The following RAI14 variants were observed in gnomAD, a reference collection of about 807,000 sequenced individuals.
RAI14 encodes retinoic acid induced 14, also known as ankycorbin.
In RAI14, 45 loss-of-function variants were observed where a neutral mutation model predicts 115.4. That is an observed-to-expected ratio of 0.39 (90% CI 0.31 to 0.50). The LOEUF is 0.50. Among genes scored for constraint, RAI14 ranks in the 20% least tolerant of loss-of-function variants. The probability of loss-of-function intolerance (pLI) is 0.85; values close to 1 mark genes in which losing one functional copy is unlikely to be tolerated. For synonymous variants in RAI14, 371 were observed against 415.4 expected (o/e 0.89, Z 1.30); for missense variants, 939 against 1,131.2 (o/e 0.83, Z 2.44).
At chr5:34,667,700 G>A (rs376179851) in intron 1 of RAI14, among the ~76,000 whole-genome samples, 1 of 152,170 alleles carries the variant, frequency 6.6e-6, no homozygotes, top group African/African-American at 2.4e-5. Context: ...CAGAAGACTT[G>A]TATAGACTTG....
chr5:34,698,056 C>T (rs1739486515), intron 2 of RAI14, among the ~76,000 whole-genome samples: 1 of 119,356 alleles, frequency 8.4e-6, no homozygotes, highest in Non-Finnish European at 1.7e-5. Flanking sequence ...CTTCCCCACC[C>T]CTCCCCTTTC....
intron 3 of RAI14, among the ~76,000 whole-genome samples, chr5:34,784,733 A>G (rs1245154227): frequency 6.6e-6 from 1 of 152,202 alleles, no homozygotes; most frequent in Non-Finnish European, 1.5e-5. Flanking sequence ...TATTCTATTT[A>G]TTTGAGCTTT....
intron 3 of RAI14, among the ~76,000 whole-genome samples, chr5:34,777,337 GC>G (rs1561348326): frequency 6.6e-6 from 1 of 152,068 alleles, no homozygotes; most frequent in East Asian, 1.9e-4. Flanking sequence ...ATACTATTTG[GC>G]CATAAAAAGA....
chr5:34,698,699 T>C (rs1467544047), intron 2 of RAI14, among the ~76,000 whole-genome samples: 1 of 151,814 alleles, frequency 6.6e-6, no homozygotes, highest in Admixed American at 6.6e-5. Context: ...GAAAATCAAG[T>C]GTGATGGGAG....
intron 1 of RAI14, among the ~76,000 whole-genome samples, chr5:34,674,067 C>T (rs1743804370): frequency 1.3e-5 from 2 of 152,058 alleles, no homozygotes; most frequent in Non-Finnish European, 2.9e-5. Context: ...AATGGGAGGC[C>T]TACCTTCATG....
chr5:34,806,654 C>T (rs958080428), intron 5 of RAI14, among the ~76,000 whole-genome samples: 2 of 151,894 alleles, frequency 1.3e-5, no homozygotes, highest in Non-Finnish European at 2.9e-5. Flanking sequence ...AAAGCTGAAT[C>T]GCTGGTTTCT....
intron 2 of RAI14, among the ~76,000 whole-genome samples, chr5:34,719,628 GACCTTAACA>G: frequency 6.6e-6 from 1 of 152,152 alleles, no homozygotes; most frequent in Non-Finnish European, 1.5e-5. Flanking sequence ...TAAAAGCTAA[GACCTTAACA>G]CAAAGACCTG....
intron 3 of RAI14, among the ~76,000 whole-genome samples, chr5:34,759,903 G>A (rs1372622982): frequency 6.6e-6 from 1 of 152,124 alleles, no homozygotes. Context: ...ACAGCACCCA[G>A]CCCACAGTGA....
intron 15 of RAI14, among the ~76,000 whole-genome samples, chr5:34,825,660 C>T (rs930937618): frequency 6.6e-6 from 1 of 151,620 alleles, no homozygotes; most frequent in Non-Finnish European, 1.5e-5. Context: ...TGGTGCTGGC[C>T]GTGCTGCTGG....
intron 3 of RAI14, among the ~76,000 whole-genome samples, chr5:34,781,524 A>G (rs1256975936): frequency 6.6e-6 from 1 of 152,230 alleles, no homozygotes; most frequent in Admixed American, 6.5e-5. Flanking sequence ...AGAAAGATCT[A>G]AACGTTTTAC....
chr5:34,762,740 TC>T lies in RAI14; in HGVS notation c.167+5144del, dbSNP rs1199422509. Among the ~76,000 whole-genome samples, 6 of 152,262 alleles carry T rather than the reference TC, an allele frequency of 3.9e-5. No individual in the cohort carries two copies. In the East Asian group the frequency reaches 1.2e-3, roughly 29 times the overall value. On this transcript the variant is annotated intron_variant, in intron 3 of 17. Coordinates refer to ENST00000265109, the MANE Select transcript of RAI14 (RefSeq NM_015577.3). ...GTGAGGAAGTGGGAGGAGGTCAATG[TC>T]CTCAAACCTCTTACCGTAGAAGAGT...
At chr5:34,825,419 T>G (rs1757337764) in intron 15 of RAI14, among the ~76,000 whole-genome samples, 1 of 152,220 alleles carries the variant, frequency 6.6e-6, no homozygotes, top group Non-Finnish European at 1.5e-5. Context: ...TGGAAAGTAT[T>G]TGTGATCCAC....
chr5:34,729,407 T>G (rs1350777925), intron 2 of RAI14, among the ~76,000 whole-genome samples: 1 of 152,200 alleles, frequency 6.6e-6, no homozygotes, highest in African/African-American at 2.4e-5. Flanking sequence ...TCTTTCCTTT[T>G]GTTTGAACTT....
chr5:34,796,833 A>AAC (rs1352647415), intron 4 of RAI14, among the ~76,000 whole-genome samples: 4 of 151,670 alleles, frequency 2.6e-5, no homozygotes, highest in African/African-American at 4.8e-5. Flanking sequence ...CACACACACA[A>AAC]ACACACACAC....
In RAI14 at chr5:34,756,756, C is replaced by T. The variant is rs1747937757; in HGVS notation, c.37-712C>T. On this transcript the variant is annotated intron_variant, in intron 2 of 17. Coordinates refer to ENST00000265109, the MANE Select transcript of RAI14 (RefSeq NM_015577.3). ...TATATAGAAATCGTCTCTTTCCCTC[C>T]TAAGTGTAGAAATCAGTTTTGCACA... Among the ~76,000 whole-genome samples the T allele has an allele frequency of 2.0e-5, 3 of 152,184 alleles. No individual in the cohort carries two copies. In the South Asian group the frequency reaches 6.2e-4, roughly 32 times the overall value.
rs953182400 is a variant in RAI14, at chr5:34,827,415, A to G, written c.2799+936A>G. 6.6e-6 allele frequency among the ~76,000 whole-genome samples: 1 copy of G among 152,158 alleles called. No homozygotes were observed. Among genetic ancestry groups the G allele is most frequent in the African/African-American group, 2.4e-5 (1 of 41,444 alleles). On this transcript the variant is annotated intron_variant, in intron 16 of 17. Coordinates refer to ENST00000265109, the MANE Select transcript of RAI14 (RefSeq NM_015577.3). This position sits in a 1 kb window ranked among gnomAD's most constrained non-coding sequence, Gnocchi z 4.2. The stretch of plus-strand genomic sequence containing the variant: ...AAGAGCCATTATTTAGCTTACCACA[A>G]TATCTGTTAAGGTTTGAGTTGGCAT...
In RAI14 at chr5:34,830,847, T is replaced by C. The variant is rs1466705211; in HGVS notation, c.*82T>C. 6 of 1,591,162 alleles carry C rather than the reference T, an allele frequency of 3.8e-6. No homozygotes were observed. In the East Asian group the frequency reaches 1.1e-4, roughly 30 times the overall value. On this transcript the variant is annotated 3_prime_UTR_variant, in exon 18 of 18. Transcript: ENST00000265109. ...AGTTGTCGGCAGCCGCTGCCATTGT[T>C]CTCATTCGTGGTATGCACTGTGGCC...
intron 3 of RAI14, among the ~76,000 whole-genome samples, chr5:34,788,133 G>A (rs552669127): frequency 1.3e-5 from 2 of 151,738 alleles, no homozygotes; most frequent in South Asian, 4.2e-4. Flanking sequence ...TGTTCAGGCT[G>A]GTCTTGAACT....
At chr5:34,796,397 CAA>C (rs373073743) in intron 4 of RAI14, among the ~76,000 whole-genome samples, 9 of 124,028 alleles carry the variant, frequency 7.3e-5, no homozygotes, top group Non-Finnish European at 6.9e-5. Flanking sequence ...GACTCTGTCT[CAA>C]AAAAAAAAAA....
Sources: gnomAD v4.1 joint callset for allele counts (sites outside exome capture counted in the v4.1 genomes callset) on GRCh38, gnomAD v4.1.1 for gene constraint, Gnocchi (gnomAD v3.1) non-coding constraint, MANE v1.5 for transcripts, NCBI Gene and HGNC (gene_info 2026-07-23, HGNC 2026-07-21) for gene names.